Variants in GLIPR2 observed in about 807,000 individuals in gnomAD.
GLIPR2 encodes the protein Golgi-associated plant pathogenesis-related protein 1.
Under a neutral mutation model 20.4 loss-of-function variants are expected in GLIPR2, and 21 were observed. The observed-to-expected ratio is 1.03, with a 90% CI of 0.73 to 1.48. The LOEUF (loss-of-function observed/expected upper bound fraction) is 1.48. Among genes scored for constraint, GLIPR2 ranks in the 40% most tolerant of loss-of-function variants. The pLI is 0.00. For synonymous variants in GLIPR2, 91 were observed against 80.5 expected, an observed-to-expected ratio of 1.13 and a Z score of -0.70; for missense variants, 205 against 200.1, an observed-to-expected ratio of 1.02 and a Z score of -0.15.
intron 1 of GLIPR2, among the ~76,000 whole-genome samples, chr9:36,142,367 T>C (rs77725416): frequency 3.5e-4 from 53 of 152,282 alleles, no homozygotes; most frequent in African/African-American, 1.3e-3. Flanking sequence ...TCTGGACTAG[T>C]TGTGGGAATT....
In GLIPR2 at chr9:36,136,810, C is replaced by G; in HGVS notation, c.13+19C>G. 7.7e-7 allele frequency: 1 copy of G among 1,297,616 alleles called. No individual in the cohort carries two copies. Among genetic ancestry groups the G allele is most frequent in the South Asian group, 2.4e-5 (1 of 42,376 alleles). The allele number at this position is 1,297,616 out of a possible 1,614,324, so 80.4% of individuals were successfully genotyped here. On this transcript the variant is annotated intron_variant, in intron 1 of 4. Coordinates refer to ENST00000377960, the MANE Select transcript of GLIPR2 (RefSeq NM_022343.4). The surrounding 1 kb of genome is among the most constrained non-coding windows in gnomAD (Gnocchi z 4.3). ...AAGTCAGGTGAGCCCGCGGGCTCGC[C>G]CGCTGCGGAATGGTTCGGAACCCCG...
chr9:36,145,299 G>A (rs185500011), intron 1 of GLIPR2, among the ~76,000 whole-genome samples: 31 of 152,362 alleles, frequency 2.0e-4, no homozygotes, highest in African/African-American at 7.0e-4. Context: ...TATTTCTGGG[G>A]CCTCATATTG....
In GLIPR2 at chr9:36,151,015, A is replaced by G. The variant is rs531561985; in HGVS notation, c.304+66A>G. On this transcript the variant is annotated intron_variant, in intron 4 of 4. Transcript: ENST00000377960. The stretch of plus-strand genomic sequence containing the variant: ...CAATGCAGGTTGGGTGTCTGACTTC[A>G]GGGAGGAACCAGCCCTCTAAAAAAA... 35 of 1,042,710 alleles carry G rather than the reference A, an allele frequency of 3.4e-5. No individual in the cohort carries two copies. In the African/African-American group the frequency reaches 4.8e-4, roughly 14 times the overall value. 64.6% of individuals were successfully genotyped at this position (1,042,710 alleles called of 1,614,324 possible). A position where few individuals can be genotyped will look rare whatever the true frequency, so the allele number is the denominator to read the frequency against.
At chr9:36,141,853 A>G in intron 1 of GLIPR2, 1 of 453,178 alleles carries the variant, frequency 2.2e-6, no homozygotes, top group Non-Finnish European at 4.4e-6. Flanking sequence ...CAGAATCTCT[A>G]CAGAGCCTCC....
At position 36,163,681 on chromosome 9, in the gene GLIPR2, A is replaced by C. The variant is rs1826163196; in HGVS notation, c.*1159A>C. ...TACAAGGTCCATGTGGGAGGGACCAACCCAGATGCCCTGCTGAGTGTCCCT... is the reference window on the plus strand; with the variant it reads ...TACAAGGTCCATGTGGGAGGGACCACCCCAGATGCCCTGCTGAGTGTCCCT... On this transcript the variant is annotated 3_prime_UTR_variant, in exon 5 of 5. Transcript: ENST00000377960. 1 of 152,638 alleles carries C rather than the reference A, an allele frequency of 6.6e-6. No homozygotes were observed. Among genetic ancestry groups the C allele is most frequent in the South Asian group, 2.1e-4 (1 of 4,838 alleles). The allele number at this position is 152,638 out of a possible 1,614,324, so 9.5% of individuals were successfully genotyped here. A position where few individuals can be genotyped will look rare whatever the true frequency, so the allele number is the denominator to read the frequency against.
upstream of GLIPR2, chr9:36,136,581 G>A (rs1185953857): frequency 2.7e-6 from 1 of 365,454 alleles, no homozygotes; most frequent in South Asian, 1.5e-4. This position sits in a 1 kb window ranked among gnomAD's most constrained non-coding sequence, Gnocchi z 4.3. Flanking sequence ...CTGCTTCCCA[G>A]GGGTGAGCTC....
intron 4 of GLIPR2, among the ~76,000 whole-genome samples, chr9:36,157,922 C>T (rs1487312369): frequency 6.6e-6 from 1 of 152,026 alleles, no homozygotes; most frequent in African/African-American, 2.4e-5. Context: ...AAGCAATTCT[C>T]TTTCCTCAGC....
chr9:36,140,407 G>A (rs940600623), intron 1 of GLIPR2, among the ~76,000 whole-genome samples: 1 of 152,124 alleles, frequency 6.6e-6, no homozygotes, highest in African/African-American at 2.4e-5. Flanking sequence ...TTTTATTGAA[G>A]GTTTCCTTCA....
At chr9:36,143,005 G>A (rs796759240) in intron 1 of GLIPR2, among the ~76,000 whole-genome samples, 21 of 152,286 alleles carry the variant, frequency 1.4e-4, no homozygotes, top group African/African-American at 5.1e-4. Context: ...GCCTGGCGTT[G>A]GCGGACACAG....
In GLIPR2 at chr9:36,136,817, G is replaced by C. The variant is rs984029944; in HGVS notation, c.13+26G>C. 2 of 1,295,090 alleles carry C rather than the reference G, an allele frequency of 1.5e-6. No individual in the cohort carries two copies. 80.2% of individuals were successfully genotyped at this position (1,295,090 alleles called of 1,614,324 possible). A position where few individuals can be genotyped will look rare whatever the true frequency, so the allele number is the denominator to read the frequency against. ...GTGAGCCCGCGGGCTCGCCCGCTGC[G>C]GAATGGTTCGGAACCCCGCGCTCCC... is the stretch of plus-strand genomic sequence containing the variant. On this transcript the variant is annotated intron_variant, in intron 1 of 4. Coordinates refer to ENST00000377960, the MANE Select transcript of GLIPR2 (RefSeq NM_022343.4). This position sits in a 1 kb window ranked among gnomAD's most constrained non-coding sequence, Gnocchi z 4.3.
intron 1 of GLIPR2, among the ~76,000 whole-genome samples, chr9:36,146,695 G>A (rs533729368): frequency 1.3e-5 from 2 of 152,330 alleles, no homozygotes; most frequent in Non-Finnish European, 1.5e-5. Flanking sequence ...GCACAACCCA[G>A]TAGGGAAAAC....
chr9:36,142,793 A>G (rs1219679779), intron 1 of GLIPR2, among the ~76,000 whole-genome samples: 2 of 151,790 alleles, frequency 1.3e-5, no homozygotes, highest in African/African-American at 2.4e-5. Context: ...GCTACTGATA[A>G]CTTTGCCTCC....
rs1587120477 is a variant in GLIPR2 at position 36,136,924 on chromosome 9, G to A, written c.13+133G>A. On this transcript the variant is annotated intron_variant, in intron 1 of 4. Coordinates refer to ENST00000377960, the MANE Select transcript of GLIPR2 (RefSeq NM_022343.4). The surrounding 1 kb of genome is among the most constrained non-coding windows in gnomAD (Gnocchi z 4.3). ...CGGGGTGCGGGTGGAGGGCGCGCGG[G>A]CGGAGCGCCCCGGCGCGGTTTCCGG... 9.4e-7 allele frequency: 1 copy of A among 1,068,554 alleles called. No individual in the cohort carries two copies. The highest frequency in any genetic ancestry group is 1.2e-6 in the Non-Finnish European group (1 of 839,612). The allele number at this position is 1,068,554 out of a possible 1,614,324, so 66.2% of individuals were successfully genotyped here.
intron 4 of GLIPR2, among the ~76,000 whole-genome samples, chr9:36,156,791 C>T (rs1825853981): frequency 6.6e-6 from 1 of 152,218 alleles, no homozygotes; most frequent in Admixed American, 6.5e-5. Flanking sequence ...TTATGAAAAT[C>T]TAATGCCTGA....
chr9:36,161,513 A>G (rs1164746752), intron 4 of GLIPR2, among the ~76,000 whole-genome samples: 1 of 151,960 alleles, frequency 6.6e-6, no homozygotes, highest in Non-Finnish European at 1.5e-5. Flanking sequence ...GAAAAAAAAA[A>G]AAGGGCCCAG....
At chr9:36,158,937 C>T (rs1825945275) in intron 4 of GLIPR2, among the ~76,000 whole-genome samples, 1 of 152,140 alleles carries the variant, frequency 6.6e-6, no homozygotes, top group Non-Finnish European at 1.5e-5. Context: ...TGATGGTGCT[C>T]ACCTGTAGTC....
Position 36,137,301 on chromosome 9 carries a change from T to C in GLIPR2, c.13+510T>C, listed in dbSNP as rs186959878. Among the ~76,000 whole-genome samples, 13 of 152,296 alleles carry C rather than the reference T, an allele frequency of 8.5e-5. No homozygotes were observed. The East Asian group carries it at 2.3e-3, about 27-fold the overall frequency. ...GGCACCCCATCCTCTCTACTGTGGC[T>C]GTCGGGATGAACTTTCTGCAGCGCA... On this transcript the variant is annotated intron_variant, in intron 1 of 4. Transcript: ENST00000377960.
At chr9:36,150,002 T>TG (rs1003967416) in intron 3 of GLIPR2, among the ~76,000 whole-genome samples, 3 of 152,136 alleles carry the variant, frequency 2.0e-5, no homozygotes, top group African/African-American at 7.2e-5. Context: ...CACTGCAGCT[T>TG]GGGCAACAAG....
intron 1 of GLIPR2, among the ~76,000 whole-genome samples, chr9:36,146,626 T>G (rs1037041301): frequency 6.6e-6 from 1 of 152,218 alleles, no homozygotes; most frequent in Non-Finnish European, 1.5e-5. Flanking sequence ...AGGCATAGGA[T>G]AGATACTCTC....
Sources: allele counts gnomAD v4.1 joint callset (sites outside exome capture counted in the v4.1 genomes callset), GRCh38; gene constraint gnomAD v4.1.1; non-coding constraint Gnocchi (gnomAD v3.1); transcripts MANE v1.5; gene names NCBI Gene and HGNC (gene_info 2026-07-23, HGNC 2026-07-21).